HMCN1: variants seen among roughly 807,000 people sequenced by gnomAD.
The protein encoded by HMCN1 is hemicentin 1.
A neutral mutation model predicts 625.9 loss-of-function variants in HMCN1; 321 were observed. That is an observed-to-expected ratio of 0.51 (90% CI 0.47 to 0.56). HMCN1 has a LOEUF of 0.56. Among genes scored for constraint, HMCN1 ranks in the 20% least tolerant of loss-of-function variants. The pLI is 0.00. For missense variants in HMCN1, 6,588 were observed against 6,887.3 expected, an observed-to-expected ratio of 0.96 and a Z score of 1.54; for synonymous variants, 2,425 against 2,417.6, an observed-to-expected ratio of 1.00 and a Z score of -0.09.
At chr1:186,123,501 T>A (rs1231820658) in intron 81 of HMCN1, among the ~76,000 whole-genome samples, 4 of 152,172 alleles carry the variant, frequency 2.6e-5, no homozygotes, top group Non-Finnish European at 5.9e-5. Flanking sequence ...ATTAGTTGGC[T>A]TATGAAGAGT....
chr1:185,962,706 T>G (rs1650115629), intron 12 of HMCN1, 47 bp downstream of exon 12: 1 of 1,112,464 alleles, frequency 9.0e-7, no homozygotes, highest in East Asian at 2.3e-5. Flanking sequence ...TGAGAAAAAT[T>G]GATGAGACTT....
intron 15 of HMCN1, among the ~76,000 whole-genome samples, chr1:185,976,351 A>G (rs1651214210): frequency 6.6e-6 from 1 of 152,188 alleles, no homozygotes; most frequent in Non-Finnish European, 1.5e-5. Context: ...TTGCCCAGGT[A>G]GTAACATTTA....
In HMCN1 at chr1:186,145,564, A is replaced by T. The variant is rs1024643080; in HGVS notation, c.14428A>T (p.Met4810Leu). The T allele has an allele frequency of 6.2e-7, 1 of 1,614,044 alleles. No individual in the cohort carries two copies. Among genetic ancestry groups the T allele is most frequent in the South Asian group, 1.1e-5 (1 of 91,076 alleles). ...CCAGATCCAGAGGTGCAACACTGACATGTGTCCTGGTGAGCCTCTTGATTT... is the reference window on the plus strand; with the variant it reads ...CCAGATCCAGAGGTGCAACACTGACTTGTGTCCTGGTGAGCCTCTTGATTT... ...DSQIQRCNTD[M>L]CPVDGSWGSW... The change falls in exon 92 of 107, where the codon ATG becomes TTG. Residue 4810 changes from methionine (M) to leucine (L), a missense_variant. Around this residue, in one of 3 missense-constraint regions of HMCN1, gnomAD observed 1,954 missense variants for 2,013.1 expected, o/e 0.97. Coordinates refer to ENST00000271588, the MANE Select transcript of HMCN1 (RefSeq NM_031935.3).
intron 40 of HMCN1, among the ~76,000 whole-genome samples, chr1:186,044,170 T>C (rs929607493): frequency 6.6e-6 from 1 of 152,200 alleles, no homozygotes; most frequent in Non-Finnish European, 1.5e-5. Flanking sequence ...CATGTATCTT[T>C]TATTGAATGT....
At chr1:185,803,205 C>CAAAAAAAAAAAAAAA in intron 1 of HMCN1, among the ~76,000 whole-genome samples, 23 of 58,776 alleles carry the variant, frequency 3.9e-4, no homozygotes, top group South Asian at 7.6e-4. Context: ...AAAAAAAAAG[C>CAAAAAAAAAAAAAAA]AAAAAAAAAA....
intron 1 of HMCN1, among the ~76,000 whole-genome samples, chr1:185,839,431 C>T (rs908612832): frequency 6.6e-6 from 1 of 152,122 alleles, no homozygotes; most frequent in African/African-American, 2.4e-5. Context: ...TTAATTAAAT[C>T]TTATTAAATA....
chr1:186,061,853 G>GGCAGAA lies in HMCN1; in HGVS notation c.7319_7320insAAGCAG (p.Arg2440_Met2441insSerArg). 1.2e-6 allele frequency: 2 copies of GGCAGAA among 1,605,912 alleles called. No individual in the cohort carries two copies. Among genetic ancestry groups the GGCAGAA allele is most frequent in the Non-Finnish European group, 1.7e-6 (2 of 1,172,922 alleles). ...AAAAAGATGGTTTGCTTCTGCAGGA[G>GGCAGAA]GCAGGATGCTACGGCTGATGCAGAC... On this transcript the variant is annotated inframe_insertion, in exon 47 of 107. Transcript: ENST00000271588.
At chr1:185,791,725 T>TAAACAAAC (rs142418524) in intron 1 of HMCN1, among the ~76,000 whole-genome samples, 41 of 151,832 alleles carry the variant, frequency 2.7e-4, no homozygotes, top group African/African-American at 9.2e-4. Flanking sequence ...ATCTCAAAAA[T>TAAACAAAC]AAACAAACAA....
intron 1 of HMCN1, among the ~76,000 whole-genome samples, chr1:185,762,088 C>T (rs1348842286): frequency 6.6e-6 from 1 of 151,586 alleles, no homozygotes; most frequent in South Asian, 2.1e-4. Flanking sequence ...AATTTGCACT[C>T]GAGGAAAAAA....
chr1:186,082,415 A>G (rs1172572039), intron 56 of HMCN1, among the ~76,000 whole-genome samples: 1 of 152,164 alleles, frequency 6.6e-6, no homozygotes, highest in African/African-American at 2.4e-5. Context: ...CCAGCAGGCT[A>G]ATCCTGGCTT....
chr1:186,081,044 C>T lies in HMCN1; in HGVS notation c.8600-163C>T, dbSNP rs542874388. ...CCAAATTCAAATACTGTTTTCACCACCCCAATTTATTAGTATAAAATGTTA... is the reference window on the plus strand; with the variant it reads ...CCAAATTCAAATACTGTTTTCACCATCCCAATTTATTAGTATAAAATGTTA... On this transcript the variant is annotated intron_variant, in intron 55 of 106. Coordinates refer to ENST00000271588, the MANE Select transcript of HMCN1 (RefSeq NM_031935.3). Among the ~76,000 whole-genome samples, 3 of 152,256 alleles carry T rather than the reference C, an allele frequency of 2.0e-5. No homozygotes were observed. The South Asian group carries it at 6.2e-4, about 32-fold the overall frequency.
intron 4 of HMCN1, among the ~76,000 whole-genome samples, chr1:185,876,450 T>C (rs976875178): frequency 6.6e-6 from 1 of 152,138 alleles, no homozygotes. Flanking sequence ...CTGGGTCAAA[T>C]GGTAGTACTG....
chr1:185,832,148 T>C (rs1479768397), intron 1 of HMCN1, among the ~76,000 whole-genome samples: 2 of 151,942 alleles, frequency 1.3e-5, no homozygotes, highest in African/African-American at 4.8e-5. Flanking sequence ...ATACAAAAAT[T>C]AGCTGGGCGT....
intron 42 of HMCN1, among the ~76,000 whole-genome samples, chr1:186,050,325 G>A (rs917696561): frequency 6.6e-6 from 1 of 151,868 alleles, no homozygotes; most frequent in Non-Finnish European, 1.5e-5. Context: ...GGTGAAATAA[G>A]AGTTAAAAAC....
At chr1:185,896,214 G>T (rs1665483535) in intron 4 of HMCN1, among the ~76,000 whole-genome samples, 1 of 152,068 alleles carries the variant, frequency 6.6e-6, no homozygotes, top group Non-Finnish European at 1.5e-5. Context: ...GGGATTATAG[G>T]CATGAGCCAC....
chr1:186,170,457 A>T (rs1408888548), intron 100 of HMCN1, among the ~76,000 whole-genome samples: 1 of 152,240 alleles, frequency 6.6e-6, no homozygotes, highest in Non-Finnish European at 1.5e-5. Context: ...GTATATATTC[A>T]AAGGATTATA....
chr1:186,115,855 A>AT (rs5779270), intron 75 of HMCN1, among the ~76,000 whole-genome samples: 87,746 of 147,334 alleles, frequency 0.6, 26,785 homozygotes, highest in African/African-American at 0.77. Flanking sequence ...CATTTTCTCC[A>AT]TTTTTTTTTT....
chr1:185,833,844 C>T (rs1661018285), intron 1 of HMCN1, among the ~76,000 whole-genome samples: 1 of 151,946 alleles, frequency 6.6e-6, no homozygotes, highest in Admixed American at 6.6e-5. Context: ...TCACATTTTT[C>T]ATTTCCTTAA....
rs145612988 is a variant in HMCN1, at chr1:185,925,105, A to G, written c.1344A>G (p.Gln448=). The G allele has an allele frequency of 1.1e-4, 170 of 1,614,002 alleles. 1 individual carries two copies. The African/African-American group carries it at 2.1e-3, about 20-fold the overall frequency. ...KTPGYYLQPG[Q]IPCSVDSLLP... ...CAGGATACTATCTGCAGCCGGGCCAAATTCCCTGCTCTGTTGACAGTCTTT... is the reference window on the plus strand; with the variant it reads ...CAGGATACTATCTGCAGCCGGGCCAGATTCCCTGCTCTGTTGACAGTCTTT... Residue 448 remains glutamine (Q), a synonymous_variant, in exon 9 of 107, where the codon CAA becomes CAG. Coordinates refer to ENST00000271588, the MANE Select transcript of HMCN1 (RefSeq NM_031935.3).
Sources: gnomAD v4.1 joint callset for allele counts (sites outside exome capture counted in the v4.1 genomes callset) on GRCh38, gnomAD v4.1.1 for gene constraint, gnomAD v4.1.1 regional missense constraint, MANE v1.5 for transcripts, NCBI Gene and HGNC (gene_info 2026-07-23, HGNC 2026-07-21) for gene names.